Variants in PLCB1 observed in about 807,000 individuals in gnomAD.
PLCB1 encodes the protein phospholipase C beta 1.
A neutral mutation model predicts 161.8 loss-of-function variants in PLCB1; 46 were observed. The ratio of observed to expected loss-of-function variants is 0.28; its 90% confidence interval spans 0.22 to 0.36. PLCB1 has a LOEUF of 0.36. Among genes scored for constraint, PLCB1 ranks in the 10% least tolerant of loss-of-function variants. The pLI, the probability that PLCB1 is intolerant of heterozygous loss-of-function variation, is 1.00. For missense variants in PLCB1, 1,016 were observed against 1,472.5 expected (o/e 0.69, Z 5.07); for synonymous variants, 517 against 503.7 (o/e 1.03, Z -0.35).
chr20:8,705,028 GC>G, intron 11 of PLCB1, among the ~76,000 whole-genome samples: 1 of 139,914 alleles, frequency 7.1e-6, no homozygotes, highest in Non-Finnish European at 1.5e-5. Context: ...GTTGAATGAG[GC>G]CCATCCACAT....
chr20:8,359,301 G>A (rs1986463715), intron 2 of PLCB1, among the ~76,000 whole-genome samples: 1 of 152,058 alleles, frequency 6.6e-6, no homozygotes, highest in African/African-American at 2.4e-5. Flanking sequence ...ATGATAAAAT[G>A]AATTATGTTT....
intron 2 of PLCB1, among the ~76,000 whole-genome samples, chr20:8,165,050 A>ACT: frequency 6.6e-6 from 1 of 152,018 alleles, no homozygotes; most frequent in East Asian, 1.9e-4. Context: ...GAATGTGTTA[A>ACT]CTCTGTCAGT....
chr20:8,490,890 A>G (rs1424222420), intron 3 of PLCB1, among the ~76,000 whole-genome samples: 2 of 150,336 alleles, frequency 1.3e-5, no homozygotes, highest in Admixed American at 6.7e-5. Context: ...ACACATATCT[A>G]TATGTACACA....
intron 3 of PLCB1, among the ~76,000 whole-genome samples, chr20:8,494,512 G>A (rs1049311496): frequency 3.3e-5 from 5 of 152,162 alleles, no homozygotes; most frequent in African/African-American, 1.2e-4. Context: ...TCAGAAGCTA[G>A]CCTGCACTTA....
intron 25 of PLCB1, among the ~76,000 whole-genome samples, chr20:8,762,303 C>T (rs769303652): frequency 9.2e-5 from 14 of 152,006 alleles, no homozygotes; most frequent in Non-Finnish European, 1.8e-4. Flanking sequence ...TTTAAAATAA[C>T]GTAAATGAAT....
chr20:8,425,327 A>G (rs944071336), intron 3 of PLCB1, among the ~76,000 whole-genome samples: 4 of 152,144 alleles, frequency 2.6e-5, no homozygotes, highest in Non-Finnish European at 4.4e-5. Flanking sequence ...AGGCGTGGAA[A>G]GTTAGGGTTT....
chr20:8,781,567 A>C (rs1983240065), intron 27 of PLCB1, among the ~76,000 whole-genome samples: 1 of 152,150 alleles, frequency 6.6e-6, no homozygotes, highest in Non-Finnish European at 1.5e-5. Flanking sequence ...TATTGCATGA[A>C]TGTAGCTTAA....
chr20:8,614,884 C>A (rs1304602447), intron 3 of PLCB1, among the ~76,000 whole-genome samples: 1 of 152,040 alleles, frequency 6.6e-6, no homozygotes, highest in Admixed American at 6.6e-5. Context: ...TTAATGGTTG[C>A]TTCTGGCTAG....
At position 8,418,367 on chromosome 20, in the gene PLCB1, C is replaced by G. The variant is rs545048445; in HGVS notation, c.246+46917C>G. On this transcript the variant is annotated intron_variant, in intron 3 of 31. Transcript: ENST00000338037. ...TCCTAGCACCAGCCCAACCTTCAGG[C>G]CACCTCCACCATCACTCACTGGGCG... is the stretch of plus-strand genomic sequence containing the variant. 6.6e-5 allele frequency among the ~76,000 whole-genome samples: 10 copies of G among 152,228 alleles called. No homozygotes were observed. In the South Asian group the frequency reaches 1.9e-3, roughly 28 times the overall value.
At chr20:8,695,257 G>C (rs983504689) in intron 10 of PLCB1, among the ~76,000 whole-genome samples, 1 of 152,164 alleles carries the variant, frequency 6.6e-6, no homozygotes, top group East Asian at 1.9e-4. Context: ...TGGTGGTTGA[G>C]TATTATGACA....
intron 3 of PLCB1, among the ~76,000 whole-genome samples, chr20:8,576,666 C>A (rs993833941): frequency 1.3e-5 from 2 of 152,122 alleles, no homozygotes; most frequent in African/African-American, 4.8e-5. Flanking sequence ...ATCTCTCTTT[C>A]CAAAGGCAAC....
At chr20:8,877,677 G>A (rs77605569) in intron 31 of PLCB1, among the ~76,000 whole-genome samples, 2,252 of 152,262 alleles carry the variant, frequency 0.015, 55 homozygotes, top group African/African-American at 0.051. Flanking sequence ...TTGTTGGAAC[G>A]GAGCCAGAAT....
At chr20:8,359,785 C>T (rs1446246058) in intron 2 of PLCB1, among the ~76,000 whole-genome samples, 4 of 151,976 alleles carry the variant, frequency 2.6e-5, no homozygotes, top group African/African-American at 4.8e-5. Flanking sequence ...AAACTATTTT[C>T]GAGGACATTT....
At chr20:8,567,717 T>A (rs1211821621) in intron 3 of PLCB1, among the ~76,000 whole-genome samples, 1 of 152,052 alleles carries the variant, frequency 6.6e-6, no homozygotes, top group Non-Finnish European at 1.5e-5. Context: ...CTGGGCAACA[T>A]AGCAAGACTC....
chr20:8,849,435 G>A (rs1454103186), intron 31 of PLCB1, among the ~76,000 whole-genome samples: 1 of 152,130 alleles, frequency 6.6e-6, no homozygotes, highest in African/African-American at 2.4e-5. Context: ...CAGCACTTTG[G>A]GAGGCCGAGG....
intron 3 of PLCB1, among the ~76,000 whole-genome samples, chr20:8,567,229 C>T (rs1053621201): frequency 1.3e-5 from 2 of 152,066 alleles, no homozygotes; most frequent in Admixed American, 6.6e-5. Flanking sequence ...GCTCCAGGGA[C>T]GATGGGCCAA....
chr20:8,328,763 C>T (rs886145212), intron 2 of PLCB1, among the ~76,000 whole-genome samples: 5 of 152,202 alleles, frequency 3.3e-5, no homozygotes, highest in South Asian at 4.2e-4. Context: ...AGATACCTAA[C>T]GGAGTACTTG....
At chr20:8,713,403 G>A (rs1370937896) in intron 12 of PLCB1, among the ~76,000 whole-genome samples, 1 of 152,108 alleles carries the variant, frequency 6.6e-6, no homozygotes, top group Non-Finnish European at 1.5e-5. Flanking sequence ...GGCCGATCTC[G>A]AACTCCTGAC....
At chr20:8,235,992 A>G (rs1193059521) in intron 2 of PLCB1, among the ~76,000 whole-genome samples, 1 of 152,168 alleles carries the variant, frequency 6.6e-6, no homozygotes, top group Non-Finnish European at 1.5e-5. Context: ...ATAATATTTT[A>G]AAGATACATG....
Sources: allele counts gnomAD v4.1 joint callset (sites outside exome capture counted in the v4.1 genomes callset), GRCh38; gene constraint gnomAD v4.1.1; transcripts MANE v1.5; gene names NCBI Gene and HGNC (gene_info 2026-07-23, HGNC 2026-07-21).